TAFA5: variants seen among roughly 807,000 people sequenced by gnomAD.
The protein encoded by TAFA5 is chemokine-like protein TAFA-5.
Under a neutral mutation model 15.3 loss-of-function variants are expected in TAFA5, and 6 were observed. The ratio of observed to expected loss-of-function variants is 0.39; its 90% CI spans 0.21 to 0.77. The LOEUF is 0.77. Ranked by LOEUF, TAFA5 falls within the 30% of genes least tolerant of loss-of-function variation. The pLI is 0.41. For synonymous variants in TAFA5, 103 were observed against 80.7 expected (o/e 1.28, Z -1.48); for missense variants, 161 against 193.1 (o/e 0.83, Z 0.98).
intron 1 of TAFA5, among the ~76,000 whole-genome samples, chr22:48,580,186 T>G (rs1206448286): frequency 6.6e-6 from 1 of 152,164 alleles, no homozygotes; most frequent in African/African-American, 2.4e-5. Flanking sequence ...TTCCATTGAT[T>G]TAGTTAGCTG....
chr22:48,645,369 G>A (rs1302819766), intron 1 of TAFA5, among the ~76,000 whole-genome samples: 1 of 152,126 alleles, frequency 6.6e-6, no homozygotes, highest in Non-Finnish European at 1.5e-5. Context: ...TAAATTCCAT[G>A]GGTTTATTTG....
intron 2 of TAFA5, among the ~76,000 whole-genome samples, chr22:48,697,692 G>T (rs1469463690): frequency 6.6e-6 from 1 of 151,648 alleles, no homozygotes; most frequent in Non-Finnish European, 1.5e-5. Context: ...TGATGGTGAT[G>T]ATTACAATTG....
intron 1 of TAFA5, among the ~76,000 whole-genome samples, chr22:48,542,288 GCATGTGTGATGTGTGTGTA>G (rs1922427728): frequency 1.0e-5 from 1 of 99,772 alleles, no homozygotes; most frequent in Non-Finnish European, 2.6e-5. Context: ...GGGTGTGTGT[GCATGTGTGATGTGTGTGTA>G]GTGTGTATGT....
chr22:48,548,033 G>C (rs560210478), intron 1 of TAFA5, among the ~76,000 whole-genome samples: 1 of 152,280 alleles, frequency 6.6e-6, no homozygotes, highest in East Asian at 1.9e-4. Flanking sequence ...CGTCTTCGGA[G>C]GTCCCAGGAG....
Position 48,493,625 on chromosome 22 carries a change from G to A in TAFA5, c.112+3921G>A, listed in dbSNP as rs116875522. Among the ~76,000 whole-genome samples the A allele has an allele frequency of 4.2e-3, 640 of 152,204 alleles. 2 individuals carry two copies. The highest frequency in any genetic ancestry group is 8.0e-3 in the Non-Finnish European group (543 of 68,000). ...ATCTTTTTTTGAAAAAATTCTCACTGTGTTTTTATTTGATGAATTTGGGGC... is the reference window on the plus strand; with the variant it reads ...ATCTTTTTTTGAAAAAATTCTCACTATGTTTTTATTTGATGAATTTGGGGC... On this transcript the variant is annotated intron_variant, in intron 1 of 3. Coordinates refer to ENST00000402357, the MANE Select transcript of TAFA5 (RefSeq NM_001082967.3).
At chr22:48,672,026 G>T (rs1187839589) in intron 2 of TAFA5, among the ~76,000 whole-genome samples, 1 of 152,210 alleles carries the variant, frequency 6.6e-6, no homozygotes, top group East Asian at 1.9e-4. Flanking sequence ...TGTAAAGGGT[G>T]TTTGTAACAC....
intron 1 of TAFA5, among the ~76,000 whole-genome samples, chr22:48,542,016 T>C (rs4823803): frequency 0.53 from 81,033 of 152,020 alleles, 24,322 homozygotes; most frequent in Middle Eastern, 0.72. Flanking sequence ...GCTGTGGTTC[T>C]TGTCACCCGG....
chr22:48,697,312 G>A (rs11204502), intron 2 of TAFA5, among the ~76,000 whole-genome samples: 49,171 of 152,046 alleles, frequency 0.32, 8,626 homozygotes, highest in South Asian at 0.52. Flanking sequence ...AGCTGCTGAC[G>A]ATGGAGATGG....
chr22:48,518,198 G>T (rs557414950), intron 1 of TAFA5, among the ~76,000 whole-genome samples: 10 of 152,208 alleles, frequency 6.6e-5, no homozygotes, highest in South Asian at 2.1e-4. Context: ...GATGGTACCC[G>T]CAGGAGCCCA....
At chr22:48,749,007 C>T (rs959729534) in intron 3 of TAFA5, among the ~76,000 whole-genome samples, 1 of 152,158 alleles carries the variant, frequency 6.6e-6, no homozygotes, top group East Asian at 1.9e-4. Flanking sequence ...GGGTGAGTGT[C>T]AGGGGGAAGC....
At chr22:48,665,380 T>G (rs1161307141) in intron 2 of TAFA5, among the ~76,000 whole-genome samples, 2 of 152,232 alleles carry the variant, frequency 1.3e-5, no homozygotes, top group Non-Finnish European at 2.9e-5. Flanking sequence ...CAGAAATTCT[T>G]AATGTTAGCT....
At chr22:48,706,141 G>T (rs1188316395) in intron 2 of TAFA5, among the ~76,000 whole-genome samples, 2 of 152,220 alleles carry the variant, frequency 1.3e-5, no homozygotes, top group East Asian at 1.9e-4. Flanking sequence ...TCCCTACTCT[G>T]CAGGGCTGGC....
chr22:48,622,224 T>C lies in TAFA5; in HGVS notation c.113-24373T>C, dbSNP rs572414758. ...AAGCTCCCAAAGTTACCCTGATTGC[T>C]CTATCCCCAAAATATTTATGTAGCC... On this transcript the variant is annotated intron_variant, in intron 1 of 3. Coordinates refer to ENST00000402357, the MANE Select transcript of TAFA5 (RefSeq NM_001082967.3). Among the ~76,000 whole-genome samples the C allele has an allele frequency of 6.6e-5, 10 of 152,202 alleles. No homozygotes were observed. The East Asian group carries it at 1.7e-3, about 27-fold the overall frequency.
chr22:48,661,622 G>GA (rs1358588003), intron 2 of TAFA5, among the ~76,000 whole-genome samples: 1 of 152,248 alleles, frequency 6.6e-6, no homozygotes, highest in African/African-American at 2.4e-5. Flanking sequence ...AGGGAACAGA[G>GA]AGGGGGCAGC....
chr22:48,602,713 CAG>C lies in TAFA5; in HGVS notation c.113-43883_113-43882del, dbSNP rs1218564287. ...TTGGACTCTGGCTGTGGCCGTTTCTCAGGGGACTGTGTGGCCTTGAAGTGTCC... is the reference window on the plus strand; with the variant it reads ...TTGGACTCTGGCTGTGGCCGTTTCTCGGGACTGTGTGGCCTTGAAGTGTCC... On this transcript the variant is annotated intron_variant, in intron 1 of 3. Transcript: ENST00000402357. 5.3e-5 allele frequency among the ~76,000 whole-genome samples: 8 copies of C among 152,290 alleles called. No homozygotes were observed. In the East Asian group the frequency reaches 1.4e-3, roughly 26 times the overall value.
At chr22:48,647,566 G>A (rs964633648) in intron 2 of TAFA5, among the ~76,000 whole-genome samples, 1 of 152,164 alleles carries the variant, frequency 6.6e-6, no homozygotes. Context: ...AAGGCCCAGT[G>A]TGTCCCGGGA....
At chr22:48,594,569 G>T (rs1924692377) in intron 1 of TAFA5, among the ~76,000 whole-genome samples, 3 of 152,292 alleles carry the variant, frequency 2.0e-5, no homozygotes, top group South Asian at 2.1e-4. Flanking sequence ...CCTCAGAGCA[G>T]CCCCGGTGTG....
intron 1 of TAFA5, among the ~76,000 whole-genome samples, chr22:48,569,630 G>A (rs1923516598): frequency 6.6e-6 from 1 of 152,222 alleles, no homozygotes; most frequent in African/African-American, 2.4e-5. Flanking sequence ...GCGTTGCCAT[G>A]GGCCCAGTCT....
At chr22:48,682,413 GC>G (rs955280382) in intron 2 of TAFA5, among the ~76,000 whole-genome samples, 1 of 152,212 alleles carries the variant, frequency 6.6e-6, no homozygotes, top group Non-Finnish European at 1.5e-5. Flanking sequence ...TCCACCCAGA[GC>G]CCCCTGAAGT....
Sources: gnomAD v4.1 joint callset for allele counts (sites outside exome capture counted in the v4.1 genomes callset) on GRCh38, gnomAD v4.1.1 for gene constraint, MANE v1.5 for transcripts, NCBI Gene and HGNC (gene_info 2026-07-23, HGNC 2026-07-21) for gene names.